Variants in EPC1 observed in about 807,000 individuals in gnomAD.
The protein encoded by EPC1 is enhancer of polycomb homolog 1.
In EPC1, 12 loss-of-function variants were observed where a neutral mutation model predicts 98.4. That is an observed-to-expected ratio of 0.12 (90% CI 0.08 to 0.20). EPC1 has a LOEUF of 0.20. Among genes scored for constraint, EPC1 ranks in the 10% least tolerant of loss-of-function variants. The probability of loss-of-function intolerance (pLI) is 1.00; values close to 1 mark genes in which losing one functional copy is unlikely to be tolerated. For synonymous variants in EPC1, 357 were observed against 363.9 expected (o/e 0.98, Z 0.21); for missense variants, 729 against 990.5 (o/e 0.74, Z 3.54).
chr10:32,374,436 G>A (rs1303461589), intron 1 of EPC1: 1 of 152,052 alleles, frequency 6.6e-6, no homozygotes, highest in Admixed American at 6.6e-5. Context: ...CTACCAGAGT[G>A]ATCCTCTCTT....
intron 1 of EPC1, among the ~76,000 whole-genome samples, chr10:32,335,566 A>G (rs986128925): frequency 6.6e-6 from 1 of 151,980 alleles, no homozygotes; most frequent in Non-Finnish European, 1.5e-5. Context: ...TGCCAGTTCT[A>G]TCCCATTTCT....
intron 1 of EPC1, among the ~76,000 whole-genome samples, chr10:32,335,862 C>G (rs942923454): frequency 6.6e-6 from 1 of 152,118 alleles, no homozygotes; most frequent in African/African-American, 2.4e-5. Context: ...GAAGTTTAAA[C>G]TCAAGCGTGT....
intron 1 of EPC1, among the ~76,000 whole-genome samples, chr10:32,307,922 G>A (rs1046918722): frequency 1.8e-4 from 28 of 152,224 alleles, no homozygotes; most frequent in African/African-American, 6.8e-4. Context: ...TAATTTCTAT[G>A]TGTAGGTGAA....
chr10:32,330,137 A>G (rs1268041929), intron 1 of EPC1, among the ~76,000 whole-genome samples: 3 of 152,216 alleles, frequency 2.0e-5, no homozygotes, highest in African/African-American at 7.2e-5. Flanking sequence ...AGAGTGACAC[A>G]ATGAGATTTC....
chr10:32,281,939 G>A (rs1836430467), intron 10 of EPC1: 1 of 152,102 alleles, frequency 6.6e-6, no homozygotes, highest in Non-Finnish European at 1.5e-5. Context: ...CCAAAGTACT[G>A]GGATTACAGG....
At chr10:32,367,499 TAAC>T (rs979386425) in intron 1 of EPC1, among the ~76,000 whole-genome samples, 24 of 152,168 alleles carry the variant, frequency 1.6e-4, no homozygotes, top group Non-Finnish European at 4.4e-5. Flanking sequence ...TTCATAATCA[TAAC>T]AACTCAAAAT....
At chr10:32,377,702 T>A (rs1839897540) in intron 1 of EPC1, among the ~76,000 whole-genome samples, 1 of 152,186 alleles carries the variant, frequency 6.6e-6, no homozygotes, top group Admixed American at 6.5e-5. Context: ...TCTTTTTTTT[T>A]CTTCCTTTTT....
At chr10:32,335,824 T>C (rs568697390) in intron 1 of EPC1, among the ~76,000 whole-genome samples, 1 of 152,306 alleles carries the variant, frequency 6.6e-6, no homozygotes, top group South Asian at 2.1e-4. Context: ...CTCTAGATTT[T>C]GCGTTCACTA....
chr10:32,325,998 AG>A (rs377720607), intron 1 of EPC1, among the ~76,000 whole-genome samples: 3 of 152,202 alleles, frequency 2.0e-5, no homozygotes, highest in African/African-American at 7.2e-5. Flanking sequence ...AATAGTAGGA[AG>A]AAGGATAAAG....
At chr10:32,308,860 T>C (rs1836029276) in intron 1 of EPC1, among the ~76,000 whole-genome samples, 1 of 152,184 alleles carries the variant, frequency 6.6e-6, no homozygotes, top group Non-Finnish European at 1.5e-5. Flanking sequence ...CTTTTCACAA[T>C]AGCCAAGATT....
chr10:32,356,237 A>G (rs1408291870), intron 1 of EPC1, among the ~76,000 whole-genome samples: 1 of 152,208 alleles, frequency 6.6e-6, no homozygotes, highest in African/African-American at 2.4e-5. Context: ...AATTAAGATT[A>G]GTGAAATAAA....
chr10:32,290,887 G>T (rs1016441879), intron 6 of EPC1, among the ~76,000 whole-genome samples: 1 of 151,604 alleles, frequency 6.6e-6, no homozygotes, highest in Non-Finnish European at 1.5e-5. Flanking sequence ...TAATTCTCCT[G>T]TCTCAGCCTC....
chr10:32,353,112 G>A (rs552119146), intron 1 of EPC1, among the ~76,000 whole-genome samples: 5 of 146,380 alleles, frequency 3.4e-5, no homozygotes, highest in African/African-American at 5.1e-5. Flanking sequence ...CCAAGATCGC[G>A]CCATTGCACT....
intron 1 of EPC1, among the ~76,000 whole-genome samples, chr10:32,318,890 T>A (rs76672832): frequency 0.086 from 13,077 of 151,936 alleles, 706 homozygotes; most frequent in Non-Finnish European, 0.11. Context: ...CACTTCATCT[T>A]TGGGTCTTTA....
intron 9 of EPC1, 137 bp downstream of exon 9, chr10:32,286,557 T>C: frequency 9.6e-7 from 1 of 1,043,308 alleles, no homozygotes; most frequent in Non-Finnish European, 1.4e-6. Context: ...AACAAAAATA[T>C]TTTAGTCAAC....
Position 32,269,132 on chromosome 10 carries a change from T to G in EPC1, c.2373A>C (p.Glu791Asp), listed in dbSNP as rs1366791673. The change falls in exon 14 of 14, where the codon GAA becomes GAC. Residue 791 changes from glutamate to aspartate, a missense_variant. Transcript: ENST00000319778. The part of the protein sequence containing the change: ...SSSSVDSVPR[E>D]NHESEKPALN... ...GTGCTGGCTTTTCTGATTCATGATT[T>G]TCCCTGTTGAAATAAAGTTCAATCA... 1.9e-5 allele frequency: 30 copies of G among 1,613,558 alleles called. No individual in the cohort carries two copies. Among genetic ancestry groups the G allele is most frequent in the Non-Finnish European group, 2.5e-5 (29 of 1,179,606 alleles).
intron 2 of EPC1, among the ~76,000 whole-genome samples, chr10:32,300,095 T>C (rs1046340000): frequency 9.9e-5 from 15 of 151,982 alleles, no homozygotes; most frequent in Non-Finnish European, 1.8e-4. Context: ...GTATTTTTAG[T>C]AGAGACAGAG....
chr10:32,303,611 G>C (rs1300460425), intron 2 of EPC1, among the ~76,000 whole-genome samples: 2 of 152,190 alleles, frequency 1.3e-5, no homozygotes, highest in Non-Finnish European at 2.9e-5. Context: ...TATACAGATG[G>C]ATAACAGATG....
At chr10:32,297,550 G>A (rs113364817) in intron 2 of EPC1, among the ~76,000 whole-genome samples, 3,053 of 152,112 alleles carry the variant, frequency 0.02, 109 homozygotes, top group African/African-American at 0.07. Flanking sequence ...GCCTCCCAAA[G>A]TGCTGGGATT....
Sources: gnomAD v4.1 joint callset for allele counts (sites outside exome capture counted in the v4.1 genomes callset) on GRCh38, gnomAD v4.1.1 for gene constraint, MANE v1.5 for transcripts, NCBI Gene and HGNC (gene_info 2026-07-23, HGNC 2026-07-21) for gene names.